MOB1A: variants seen among roughly 807,000 people sequenced by gnomAD.
MOB1A encodes MOB kinase activator 1A, also known as MOB1 Mps One Binder homolog A.
A neutral mutation model predicts 25.1 loss-of-function variants in MOB1A; 10 were observed. The ratio of observed to expected loss-of-function variants is 0.40; its 90% CI spans 0.25 to 0.68. The LOEUF (loss-of-function observed/expected upper bound fraction) is 0.68. MOB1A is among the 30% of genes least tolerant of loss of function. The pLI, the probability that MOB1A is intolerant of heterozygous loss-of-function variation, is 0.40. For missense variants in MOB1A, 177 were observed against 256.3 expected (o/e 0.69, Z 2.11); for synonymous variants, 81 against 79.5 (o/e 1.02, Z -0.10).
In MOB1A at chr2:74,154,192, CAAA is replaced by C. The variant is rs58662857; in HGVS notation, c.*2373_*2375del. The C allele has an allele frequency of 1.0e-4, 8 of 76,298 alleles. No homozygotes were observed. The highest frequency in any genetic ancestry group is 3.2e-4 in the East Asian group (1 of 3,100). The allele number at this position is 76,298 out of a possible 1,614,324, so 4.7% of individuals were successfully genotyped here. On this transcript the variant is annotated 3_prime_UTR_variant, in exon 6 of 6. Coordinates refer to ENST00000396049, the MANE Select transcript of MOB1A (RefSeq NM_018221.5). Reference sequence around the variant, plus strand: ...TGGGTGACAGAGTGAGACTCTGTCTCAAAAAAAAAAAAAAAAAAGATTGATTTC... The same window carrying C: ...TGGGTGACAGAGTGAGACTCTGTCTCAAAAAAAAAAAAAAAGATTGATTTC...
chr2:74,173,135 C>CA (rs924766513), intron 1 of MOB1A: 23 of 500,960 alleles, frequency 4.6e-5, no homozygotes, highest in Admixed American at 1.0e-4. Context: ...GACTCAGTCT[C>CA]AAAAAAAACA....
chr2:74,175,802 C>T (rs57694226), intron 1 of MOB1A, among the ~76,000 whole-genome samples: 1,971 of 152,074 alleles, frequency 0.013, 33 homozygotes, highest in African/African-American at 0.045. Flanking sequence ...CACAACCAAA[C>T]GTACAGCAGG....
At chr2:74,156,784 G>A (rs828852) in intron 5 of MOB1A, 139 bp from the exon 6 acceptor site, 354,782 of 635,750 alleles carry the variant, frequency 0.56, 102,937 homozygotes, top group African/African-American at 0.83. Context: ...ACATTTTAAA[G>A]TAGGCATTTA....
At position 74,172,675 on chromosome 2, in the gene MOB1A, T is replaced by A. The variant is rs776279017; in HGVS notation, c.92A>T (p.His31Leu). ...CCCACTTCCTAGAGTTGCTTCTGCA[T>A]GTTTTAAGAGTTCATACTGATGAGA... The part of the protein sequence containing the change: ...EGSHQYELLK[H>L]AEATLGSGNL... The change falls in exon 2 of 6, where the codon CAT becomes CTT. Residue 31 changes from histidine to leucine, a missense_variant. Coordinates refer to ENST00000396049, the MANE Select transcript of MOB1A (RefSeq NM_018221.5). 1 of 1,613,868 alleles carries A rather than the reference T, an allele frequency of 6.2e-7. No homozygotes were observed. Among genetic ancestry groups the A allele is most frequent in the Admixed American group, 1.7e-5 (1 of 59,994 alleles).
At chr2:74,162,799 CTT>C (rs1693011434) in intron 4 of MOB1A, among the ~76,000 whole-genome samples, 2 of 152,216 alleles carry the variant, frequency 1.3e-5, no homozygotes, top group South Asian at 2.1e-4. Context: ...ATAAAATACT[CTT>C]AAGTTGAAAA....
rs2103680735 is a variant in MOB1A, at chr2:74,155,162, G to A, written c.*1406C>T. ...ACTTAAAGCTTTGCCAGTTTGGCAA[G>A]TCTTCCAGTATAATACTTGTTGTGC... is the stretch of plus-strand genomic sequence containing the variant. On this transcript the variant is annotated 3_prime_UTR_variant, in exon 6 of 6. Transcript: ENST00000396049. 1 of 152,606 alleles carries A rather than the reference G, an allele frequency of 6.6e-6. No individual in the cohort carries two copies. The highest frequency in any genetic ancestry group is 1.5e-5 in the Non-Finnish European group (1 of 68,020). 9.5% of individuals were successfully genotyped at this position (152,606 alleles called of 1,614,324 possible).
At chr2:74,178,439 A>G (rs948005178) in intron 1 of MOB1A, 2 of 352,312 alleles carry the variant, frequency 5.7e-6, no homozygotes, top group African/African-American at 4.3e-5. Context: ...GGGCCTTTCT[A>G]CTCCCCAGCC....
chr2:74,156,572 C>T lies in MOB1A; in HGVS notation c.647G>A (p.Arg216Lys), dbSNP rs1226863320. The part of the protein sequence containing the change: ...ELIEKLGSKD[R>K] ...ACTGTGTTCTAGAAGAAACATTTAT[C>T]TGTCTTTTGATCCAAGTTTCTCTAT... Residue 216 changes from arginine to lysine, a missense_variant, in exon 6 of 6, where the codon AGA becomes AAA. Coordinates refer to ENST00000396049, the MANE Select transcript of MOB1A (RefSeq NM_018221.5). 5.8e-6 allele frequency: 9 copies of T among 1,550,890 alleles called. No individual in the cohort carries two copies. The African/African-American group carries it at 1.2e-4, about 21-fold the overall frequency.
At position 74,157,618 on chromosome 2, in the gene MOB1A, G is replaced by A. The variant is rs79016878; in HGVS notation, c.574-973C>T. On this transcript the variant is annotated intron_variant, in intron 5 of 5. Transcript: ENST00000396049. ...TAGGATCTGATGCTACCTCCAGATAGACATTATCAAAATTGAATCAAATTA... is the reference window on the plus strand; with the variant it reads ...TAGGATCTGATGCTACCTCCAGATAAACATTATCAAAATTGAATCAAATTA... 7.7e-3 allele frequency among the ~76,000 whole-genome samples: 1,172 copies of A among 152,254 alleles called. 6 individuals carry two copies. Among genetic ancestry groups the A allele is most frequent in the Non-Finnish European group, 0.014 (958 of 68,016 alleles).
At position 74,178,754 on chromosome 2, in the gene MOB1A, C is replaced by G. The variant is rs902870970; in HGVS notation, c.-80G>C. On this transcript the variant is annotated 5_prime_UTR_variant, in exon 1 of 6. Coordinates refer to ENST00000396049, the MANE Select transcript of MOB1A (RefSeq NM_018221.5). ...TCGGAGCTGGCTAGAGGGAGCGGAC[C>G]GTCCTTAGCTCACGGGCAGCGGAAG... 4.6e-6 allele frequency: 3 copies of G among 645,254 alleles called. No individual in the cohort carries two copies. The highest frequency in any genetic ancestry group is 6.5e-6 in the Non-Finnish European group (3 of 461,802). 40.0% of individuals were successfully genotyped at this position (645,254 alleles called of 1,614,324 possible).
chr2:74,173,385 T>G (rs943527585), intron 1 of MOB1A, among the ~76,000 whole-genome samples: 22 of 144,834 alleles, frequency 1.5e-4, no homozygotes, highest in African/African-American at 5.4e-4. Flanking sequence ...GGTTTTTTTT[T>G]TTTTTTTTTT....
At chr2:74,165,890 CTGTT>C (rs1693117482) in intron 3 of MOB1A, among the ~76,000 whole-genome samples, 2 of 152,268 alleles carry the variant, frequency 1.3e-5, no homozygotes, top group Admixed American at 1.3e-4. Flanking sequence ...TTTAATTTTC[CTGTT>C]TATTTTCATT....
chr2:74,162,153 G>A (rs1469793485), intron 4 of MOB1A, among the ~76,000 whole-genome samples: 1 of 152,132 alleles, frequency 6.6e-6, no homozygotes, highest in African/African-American at 2.4e-5. Context: ...GGATTAAGAG[G>A]TGGTGGATCA....
intron 2 of MOB1A, among the ~76,000 whole-genome samples, chr2:74,168,694 G>A (rs976556331): frequency 5.3e-5 from 8 of 152,028 alleles, no homozygotes; most frequent in Non-Finnish European, 1.0e-4. Context: ...AAAACAACTA[G>A]GTATTTTCCA....
At position 74,167,039 on chromosome 2, in the gene MOB1A, AG is replaced by A. The variant is rs1474428346; in HGVS notation, c.249del (p.Cys84ValfsTer35). ...GTITEFCTEA[S>X]CPVMSAGPRY... is the part of the protein sequence containing the mutation. ...CTCGGACCTGCAGACATGACTGGAC[AG>A]CTTGCTTCAGTGCAGAATTCTGTAA... is the stretch of plus-strand genomic sequence containing the variant. On this transcript the variant is annotated frameshift_variant, in exon 3 of 6. Transcript: ENST00000396049. LOFTEE classifies it high-confidence loss of function. The A allele has an allele frequency of 1.2e-6, 2 of 1,613,946 alleles. No individual in the cohort carries two copies. The highest frequency in any genetic ancestry group is 1.7e-6 in the Non-Finnish European group (2 of 1,179,824).
intron 5 of MOB1A, 88 bp downstream of exon 5, chr2:74,159,003 A>C: frequency 7.5e-7 from 1 of 1,331,902 alleles, no homozygotes; most frequent in Non-Finnish European, 1.0e-6. Context: ...CTCTACATCT[A>C]TAACTAAGAC....
At chr2:74,161,741 G>A (rs1325845252) in intron 4 of MOB1A, among the ~76,000 whole-genome samples, 2 of 151,846 alleles carry the variant, frequency 1.3e-5, no homozygotes, top group South Asian at 2.1e-4. Context: ...AGGTTGCTTG[G>A]GCCTAGAAGT....
chr2:74,155,955 CAT>C lies in MOB1A; in HGVS notation c.*611_*612del, dbSNP rs1692794254. 1 of 152,534 alleles carries C rather than the reference CAT, an allele frequency of 6.6e-6. No homozygotes were observed. The highest frequency in any genetic ancestry group is 2.4e-5 in the African/African-American group (1 of 41,426). 9.4% of individuals were successfully genotyped at this position (152,534 alleles called of 1,614,324 possible). On this transcript the variant is annotated 3_prime_UTR_variant, in exon 6 of 6. Transcript: ENST00000396049. ...ACTTTGGTTGCTCCCACCCACACGT[CAT>C]ATGATGATTTAAACTGCAATCATGA...
At position 74,156,344 on chromosome 2, in the gene MOB1A, A is replaced by C; in HGVS notation, c.*224T>G. The C allele has an allele frequency of 1.9e-6, 1 of 528,840 alleles. No individual in the cohort carries two copies. Among genetic ancestry groups the C allele is most frequent in the Admixed American group, 3.6e-5 (1 of 27,854 alleles). 32.8% of individuals were successfully genotyped at this position (528,840 alleles called of 1,614,324 possible). On this transcript the variant is annotated 3_prime_UTR_variant, in exon 6 of 6. Transcript: ENST00000396049. ...CCAAGTATGACTATGTGATAACAAC[A>C]AGAGTGGTCACACAGTACTTAAGAT...
Sources: allele counts gnomAD v4.1 joint callset (sites outside exome capture counted in the v4.1 genomes callset), GRCh38; gene constraint gnomAD v4.1.1; transcripts MANE v1.5; gene names NCBI Gene and HGNC (gene_info 2026-07-23, HGNC 2026-07-21).